The following BICRAL variants were observed in gnomAD, a reference collection of about 807,000 sequenced individuals.
BICRAL encodes the protein BRD4-interacting chromatin-remodeling complex-associated protein-like.
Under a neutral mutation model 91.8 loss-of-function variants are expected in BICRAL, and 8 were observed. The observed-to-expected ratio is 0.09, with a 90% CI of 0.05 to 0.16. The LOEUF is 0.16. Ranked by LOEUF, BICRAL falls within the 10% of genes least tolerant of loss-of-function variation. The probability of loss-of-function intolerance (pLI) is 1.00; values close to 1 mark genes in which losing one functional copy is unlikely to be tolerated. For missense variants in BICRAL, 1,038 were observed against 1,310.9 expected (o/e 0.79, Z 3.21); for synonymous variants, 445 against 491.1 (o/e 0.91, Z 1.24).
At chr6:42,851,392 C>G (rs1335389645) in intron 6 of BICRAL, among the ~76,000 whole-genome samples, 2 of 151,956 alleles carry the variant, frequency 1.3e-5, no homozygotes, top group African/African-American at 2.4e-5. Context: ...TATGAGATAA[C>G]ATAAGTTTTT....
intron 1 of BICRAL, among the ~76,000 whole-genome samples, chr6:42,754,328 C>A (rs773644701): frequency 6.6e-6 from 1 of 151,948 alleles, no homozygotes; most frequent in South Asian, 2.1e-4. Context: ...CCCGCCACCA[C>A]GCCTGGCTAA....
intron 1 of BICRAL, among the ~76,000 whole-genome samples, chr6:42,809,567 C>T (rs563219346): frequency 6.6e-6 from 1 of 151,214 alleles, no homozygotes; most frequent in East Asian, 2.0e-4. Flanking sequence ...CCTCACCTCC[C>T]AGATTCAAGC....
intron 6 of BICRAL, among the ~76,000 whole-genome samples, chr6:42,833,763 T>C (rs1764565775): frequency 6.6e-6 from 1 of 152,122 alleles, no homozygotes; most frequent in South Asian, 2.1e-4. Context: ...TCTCATTTCA[T>C]TGTCAGATTT....
chr6:42,831,532 T>G (rs1764477187), intron 6 of BICRAL, among the ~76,000 whole-genome samples: 1 of 152,202 alleles, frequency 6.6e-6, no homozygotes, highest in South Asian at 2.1e-4. Flanking sequence ...AGTCCTTCAC[T>G]GTCATCTGCT....
intron 6 of BICRAL, among the ~76,000 whole-genome samples, chr6:42,839,429 C>T (rs1378934769): frequency 6.6e-6 from 1 of 152,020 alleles, no homozygotes; most frequent in Non-Finnish European, 1.5e-5. Context: ...CAGATGTGAC[C>T]TACCAGGCCC....
chr6:42,750,835 C>T (rs1456860075), intron 1 of BICRAL, among the ~76,000 whole-genome samples: 22 of 150,248 alleles, frequency 1.5e-4, no homozygotes, highest in Non-Finnish European at 2.8e-4. Context: ...GCCTCAGCCT[C>T]CCAAAGTGCT....
In BICRAL at chr6:42,866,965, G is replaced by T. The variant is rs1025310205; in HGVS notation, c.*1519G>T. 20 of 433,710 alleles carry T rather than the reference G, an allele frequency of 4.6e-5. No homozygotes were observed. Among genetic ancestry groups the T allele is most frequent in the Non-Finnish European group, 6.5e-5 (14 of 214,676 alleles). The allele number at this position is 433,710 out of a possible 1,614,324, so 26.9% of individuals were successfully genotyped here. A position where few individuals can be genotyped will look rare whatever the true frequency, so the allele number is the denominator to read the frequency against. ...GTATCTGAGCTGCTCGGATCCAGAG[G>T]TCATTTTTGTTACAGTGTGTGCACA... On this transcript the variant is annotated 3_prime_UTR_variant, in exon 13 of 13. Transcript: ENST00000314073.
chr6:42,834,841 A>G (rs1321350943), intron 6 of BICRAL, among the ~76,000 whole-genome samples: 2 of 152,134 alleles, frequency 1.3e-5, no homozygotes, highest in African/African-American at 2.4e-5. Flanking sequence ...CTCCTGCCCT[A>G]CCATCAACTA....
intron 1 of BICRAL, among the ~76,000 whole-genome samples, chr6:42,764,429 G>A (rs1170135241): frequency 6.6e-6 from 1 of 151,592 alleles, no homozygotes; most frequent in Non-Finnish European, 1.5e-5. Context: ...GCACGTGCCT[G>A]TAGTCCCAGC....
chr6:42,865,035 C>G lies in BICRAL; in HGVS notation c.2829C>G (p.Thr943=), dbSNP rs1277946433. The part of the protein sequence containing the change: ...CSPGPEGHRK[T]SSRSDHGTES... ...CCGGCCCTGAGGGGCACCGGAAAAC[C>G]TCATCCAGATCGGATCATGGTACTG... The change falls in exon 13 of 13, where the codon ACC becomes ACG. Residue 943 remains threonine, a synonymous_variant. Coordinates refer to ENST00000314073, the MANE Select transcript of BICRAL (RefSeq NM_001393499.1). 1.9e-6 allele frequency: 3 copies of G among 1,614,118 alleles called. No individual in the cohort carries two copies. The highest frequency in any genetic ancestry group is 1.7e-5 in the Admixed American group (1 of 60,018).
intron 1 of BICRAL, among the ~76,000 whole-genome samples, chr6:42,802,430 T>G (rs78560471): frequency 7.6e-4 from 90 of 118,644 alleles, no homozygotes; most frequent in African/African-American, 2.7e-3. Context: ...TGTTTTTTTT[T>G]GTTGTTGTTG....
intron 1 of BICRAL, among the ~76,000 whole-genome samples, chr6:42,768,900 C>T (rs1762678839): frequency 6.6e-6 from 1 of 152,168 alleles, no homozygotes; most frequent in Non-Finnish European, 1.5e-5. Flanking sequence ...ATGTCGTTCT[C>T]TAAGCAGGCT....
chr6:42,836,401 C>A (rs1764638009), intron 6 of BICRAL, among the ~76,000 whole-genome samples: 2 of 151,954 alleles, frequency 1.3e-5, no homozygotes, highest in Non-Finnish European at 2.9e-5. Flanking sequence ...ACTTTTTATG[C>A]CAAAAAGCAT....
rs1435196232 is a variant in BICRAL, at chr6:42,829,335, G to C, written c.1002G>C (p.Gln334His). Reference protein sequence around the residue: ...NTYNVNNLGIQQHHVQQGISF... With the variant: ...NTYNVNNLGIHQHHVQQGISF... ...ACAATGTGAACAATTTGGGAATTCA[G>C]CAGCACCACGTACAACAAGGGATCT... The change falls in exon 6 of 13, where the codon CAG (glutamine) becomes CAC (histidine). Residue 334 changes from glutamine (Q) to histidine (H), a missense_variant. Gln to His is a conservative substitution (Grantham distance 24, BLOSUM62 0). Coordinates refer to ENST00000314073, the MANE Select transcript of BICRAL (RefSeq NM_001393499.1). The C allele has an allele frequency of 6.2e-7, 1 of 1,614,196 alleles. No individual in the cohort carries two copies. The highest frequency in any genetic ancestry group is 1.7e-5 in the Admixed American group (1 of 60,022).
chr6:42,781,839 G>C (rs1334115080), upstream of BICRAL: 1 of 148,824 alleles, frequency 6.7e-6, no homozygotes, highest in African/African-American at 2.4e-5. Flanking sequence ...TTTTTGCCAG[G>C]CGAGAACCGA....
chr6:42,843,375 C>T (rs1259968540), intron 6 of BICRAL, among the ~76,000 whole-genome samples: 6 of 152,044 alleles, frequency 3.9e-5, no homozygotes. Context: ...GAAAGGAAAA[C>T]ACGTTTAGGT....
In BICRAL at chr6:42,865,222, A is replaced by G; in HGVS notation, c.3016A>G (p.Ser1006Gly). The G allele has an allele frequency of 6.2e-7, 1 of 1,614,114 alleles. No homozygotes were observed. Among genetic ancestry groups the G allele is most frequent in the East Asian group, 2.2e-5 (1 of 44,890 alleles). ...CCAGCCAGATCTCCAGCTGACAAAG[A>G]GCTTGGAAACCACATTTAAGAACAT... The part of the protein sequence containing the change: ...EPQPDLQLTK[S>G]LETTFKNILE... Residue 1006 changes from serine to glycine, a missense_variant, in exon 13 of 13, where the codon AGC becomes GGC. Ser to Gly is a moderately conservative substitution (Grantham distance 56). This residue lies in a region of BICRAL where 92 missense variants were observed against 147.8 expected (regional missense o/e 0.62). Coordinates refer to ENST00000314073, the MANE Select transcript of BICRAL (RefSeq NM_001393499.1).
intron 1 of BICRAL, among the ~76,000 whole-genome samples, chr6:42,747,870 G>A (rs1438206418): frequency 6.7e-6 from 1 of 148,666 alleles, no homozygotes; most frequent in Admixed American, 6.8e-5. Flanking sequence ...GCAATGGCGC[G>A]ATCTCGGCTC....
chr6:42,800,963 A>C (rs1763550717), intron 1 of BICRAL, among the ~76,000 whole-genome samples: 1 of 152,188 alleles, frequency 6.6e-6, no homozygotes. Flanking sequence ...TTAATAAAAG[A>C]AATATACGGC....
Sources: gnomAD v4.1 joint callset for allele counts (sites outside exome capture counted in the v4.1 genomes callset) on GRCh38, gnomAD v4.1.1 for gene constraint, gnomAD v4.1.1 regional missense constraint, MANE v1.5 for transcripts, NCBI Gene and HGNC (gene_info 2026-07-23, HGNC 2026-07-21) for gene names.